The following CD22 variants were observed in gnomAD, a reference collection of about 807,000 sequenced individuals.
The protein encoded by CD22 is B-cell receptor CD22.
CD22 carries 51 observed loss-of-function variants against 94.7 expected under a neutral mutation model. The ratio of observed to expected loss-of-function variants is 0.54; its 90% CI spans 0.43 to 0.68. The LOEUF (loss-of-function observed/expected upper bound fraction) is 0.68. Ranked by LOEUF, CD22 falls within the 30% of genes least tolerant of loss-of-function variation. The pLI is 0.00. For synonymous variants in CD22, 424 were observed against 422.5 expected, an observed-to-expected ratio of 1.00 and a Z score of -0.04; for missense variants, 931 against 1,060.4, an observed-to-expected ratio of 0.88 and a Z score of 1.69.
At position 35,346,146 on chromosome 19, in the gene CD22, C is replaced by T; in HGVS notation, c.2328-5C>T. 1 of 1,611,450 alleles carries T rather than the reference C, an allele frequency of 6.2e-7. No homozygotes were observed. On this transcript the variant is annotated splice_region_variant and splice_polypyrimidine_tract_variant and intron_variant, in intron 12 of 13. Transcript: ENST00000085219. ...GCGTGGTCGTCTATCTGCCCTGTCT[C>T]TCAGAGATGCAGAGTCCTCAGAGAT...
chr19:35,337,988 G>A lies in CD22; in HGVS notation c.952G>A (p.Gly318Arg), dbSNP rs201120264. The change falls in exon 5 of 14, where the codon GGA (glycine) becomes AGA (arginine). Residue 318 changes from glycine to arginine, a missense_variant. Gly to Arg is a moderately radical substitution (Grantham distance 125, BLOSUM62 -2). Coordinates refer to ENST00000085219, the MANE Select transcript of CD22 (RefSeq NM_001771.4). The surrounding 1 kb of genome is among the most constrained non-coding windows in gnomAD (Gnocchi z 4.4). ...CCQVSNDVGP[G>R]RSEEVFLQVQ... ...TCAGGTCTCCAATGACGTGGGCCCGGGAAGGTCGGAAGAAGTGTTCCTGCA... is the reference window on the plus strand; with the variant it reads ...TCAGGTCTCCAATGACGTGGGCCCGAGAAGGTCGGAAGAAGTGTTCCTGCA... 106 of 1,613,448 alleles carry A rather than the reference G, an allele frequency of 6.6e-5. 1 individual carries two copies. In the South Asian group the frequency reaches 1.1e-3, roughly 17 times the overall value.
At chr19:35,346,016 T>C in intron 12 of CD22, 135 bp from the exon 13 acceptor site, 1 of 699,630 alleles carries the variant, frequency 1.4e-6, no homozygotes, top group Non-Finnish European at 2.5e-6. Context: ...ACTGTGAGCT[T>C]TGGGCACTGG....
chr19:35,334,238 G>A (rs2066685965), intron 3 of CD22, among the ~76,000 whole-genome samples: 1 of 152,164 alleles, frequency 6.6e-6, no homozygotes, highest in Non-Finnish European at 1.5e-5. Flanking sequence ...GTGACCTAAG[G>A]ATCATTGTTC....
At position 35,338,364 on chromosome 19, in the gene CD22, T is replaced by C. The variant is rs775522293; in HGVS notation, c.1182T>C (p.Tyr394=). ...PKILPWHAGT[Y]SCVAENILGT... is the part of the protein sequence containing the mutation. ...TCCTCCCCTGGCACGCTGGGACTTA[T>C]TCCTGTGTGGCAGAAAACATTCTTG... The change falls in exon 6 of 14, where the codon TAT becomes TAC. Residue 394 remains tyrosine, a synonymous_variant. Coordinates refer to ENST00000085219, the MANE Select transcript of CD22 (RefSeq NM_001771.4). The C allele has an allele frequency of 1.9e-6, 3 of 1,614,108 alleles. No individual in the cohort carries two copies. Among genetic ancestry groups the C allele is most frequent in the African/African-American group, 1.3e-5 (1 of 74,944 alleles).
Position 35,337,941 on chromosome 19 carries a change from A to G in CD22, c.905A>G (p.Asp302Gly). Residue 302 changes from aspartate (D) to glycine (G), a missense_variant, in exon 5 of 14, where the codon GAC (aspartate) becomes GGC (glycine). Coordinates refer to ENST00000085219, the MANE Select transcript of CD22 (RefSeq NM_001771.4). This position sits in a 1 kb window ranked among gnomAD's most constrained non-coding sequence, Gnocchi z 4.4. ...CTAAACCTGCGCGAAGTGACCAAGG[A>G]CCAGAGTGGGAAGTACTGCTGTCAG... ...FTLNLREVTK[D>G]QSGKYCCQVS... 1 of 1,614,218 alleles carries G rather than the reference A, an allele frequency of 6.2e-7. No individual in the cohort carries two copies. Among genetic ancestry groups the G allele is most frequent in the Middle Eastern group, 1.6e-4 (1 of 6,062 alleles).
intron 11 of CD22, 56 bp downstream of exon 11, chr19:35,345,182 C>T (rs955180438): frequency 6.7e-7 from 1 of 1,499,632 alleles, no homozygotes; most frequent in African/African-American, 1.4e-5. Context: ...CTTTGGGAGG[C>T]TGAGGCAGGT....
chr19:35,339,714 G>A (rs575449427), intron 6 of CD22, among the ~76,000 whole-genome samples: 45 of 152,130 alleles, frequency 3.0e-4, no homozygotes, highest in African/African-American at 1.1e-3. Flanking sequence ...AAAATTAGCC[G>A]GGCATGGTGG....
Position 35,337,128 on chromosome 19 carries a change from A to G in CD22, c.719-627A>G, listed in dbSNP as rs1274887000. 6.6e-6 allele frequency among the ~76,000 whole-genome samples: 1 copy of G among 152,164 alleles called. No individual in the cohort carries two copies. Among genetic ancestry groups the G allele is most frequent in the Non-Finnish European group, 1.5e-5 (1 of 68,022 alleles). On this transcript the variant is annotated intron_variant, in intron 4 of 13. Transcript: ENST00000085219. This position sits in a 1 kb window ranked among gnomAD's most constrained non-coding sequence, Gnocchi z 4.4. ...ATGGCAGGCGCCTGTAGTCCCAGCT[A>G]CTTGGGAGGCCAAGGCAGGAGAATG...
chr19:35,342,918 C>G (rs1220374628), intron 9 of CD22, among the ~76,000 whole-genome samples: 1 of 152,116 alleles, frequency 6.6e-6, no homozygotes, highest in Non-Finnish European at 1.5e-5. Flanking sequence ...TCACGCCATT[C>G]TCCTGCCTCA....
chr19:35,335,969 C>T, intron 3 of CD22, 67 bp from the exon 4 acceptor site: 2 of 1,398,572 alleles, frequency 1.4e-6, no homozygotes, highest in Non-Finnish European at 2.0e-6. Context: ...GACAGGACAT[C>T]TAAAGCCAGG....
intron 6 of CD22, among the ~76,000 whole-genome samples, chr19:35,340,229 T>A (rs2066787498): frequency 6.6e-6 from 1 of 152,072 alleles, no homozygotes; most frequent in South Asian, 2.1e-4. Flanking sequence ...ATTTCCTTCT[T>A]GAAACAATTC....
At position 35,337,402 on chromosome 19, in the gene CD22, C is replaced by T. The variant is rs774809836; in HGVS notation, c.719-353C>T. Among the ~76,000 whole-genome samples the T allele has an allele frequency of 5.9e-5, 9 of 152,038 alleles. No individual in the cohort carries two copies. Among genetic ancestry groups the T allele is most frequent in the Admixed American group, 3.3e-4 (5 of 15,268 alleles). On this transcript the variant is annotated intron_variant, in intron 4 of 13. Coordinates refer to ENST00000085219, the MANE Select transcript of CD22 (RefSeq NM_001771.4). This position sits in a 1 kb window ranked among gnomAD's most constrained non-coding sequence, Gnocchi z 4.4. ...GAGGACCTCAGAGGCTGAAGTTCAC[C>T]GCCTCTGAGGGCCACATGGTAGGAC...
Position 35,340,861 on chromosome 19 carries a change from C to G in CD22, c.1250-20C>G. 6.2e-7 allele frequency: 1 copy of G among 1,613,932 alleles called. No homozygotes were observed. The highest frequency in any genetic ancestry group is 1.1e-5 in the South Asian group (1 of 91,020). ...TGGACAGCTGGCTTTTCTTTACTCA[C>G]CTCTCTGGTTTTCTTCCAGATCCTC... On this transcript the variant is annotated intron_variant, in intron 6 of 13. Coordinates refer to ENST00000085219, the MANE Select transcript of CD22 (RefSeq NM_001771.4).
chr19:35,346,038 G>A (rs902676772), intron 12 of CD22, 113 bp from the exon 13 acceptor site: 3 of 813,100 alleles, frequency 3.7e-6, no homozygotes, highest in East Asian at 5.0e-5. Flanking sequence ...GAGGCCACAG[G>A]TTTTACATAA....
intron 13 of CD22, 52 bp downstream of exon 13, chr19:35,346,287 C>T (rs745911072): frequency 4.7e-6 from 7 of 1,480,798 alleles, no homozygotes; most frequent in Non-Finnish European, 6.6e-6. Flanking sequence ...AGGCTGGGGA[C>T]AGGGCCTGGC....
At chr19:35,343,073 C>G (rs940538677) in intron 9 of CD22, among the ~76,000 whole-genome samples, 4 of 151,554 alleles carry the variant, frequency 2.6e-5, no homozygotes, top group African/African-American at 7.3e-5. Flanking sequence ...GCTGGGATTA[C>G]AGGCGTGAGC....
intron 12 of CD22, 88 bp downstream of exon 12, chr19:35,345,808 C>A: frequency 1.1e-6 from 1 of 935,348 alleles, no homozygotes; most frequent in Non-Finnish European, 1.7e-6. Context: ...TTGTGCCAGG[C>A]CCATGCCAGG....
At chr19:35,332,210 C>A in intron 2 of CD22, 136 bp downstream of exon 2, 1 of 894,550 alleles carries the variant, frequency 1.1e-6, no homozygotes, top group Non-Finnish European at 1.8e-6. Flanking sequence ...AATGTACATA[C>A]AAATATATAT....
At chr19:35,342,604 C>T (rs1459182807) in intron 9 of CD22, among the ~76,000 whole-genome samples, 2 of 152,078 alleles carry the variant, frequency 1.3e-5, no homozygotes, top group East Asian at 1.9e-4. Context: ...GGCCATCTGC[C>T]GCTGTGCTGG....
Sources: allele counts gnomAD v4.1 joint callset (sites outside exome capture counted in the v4.1 genomes callset), GRCh38; gene constraint gnomAD v4.1.1; non-coding constraint Gnocchi (gnomAD v3.1); transcripts MANE v1.5; gene names NCBI Gene and HGNC (gene_info 2026-07-23, HGNC 2026-07-21).